Variants in CAST observed in about 807,000 individuals in gnomAD.
CAST encodes MIR583 host.
In CAST, 76 loss-of-function variants were observed where a neutral mutation model predicts 119.6. The observed-to-expected ratio is 0.64, with a 90% CI of 0.53 to 0.77. The LOEUF is 0.77. Ranked by LOEUF, CAST falls within the 30% of genes least tolerant of loss-of-function variation. CAST has a pLI of 0.00. For synonymous variants in CAST, 319 were observed against 331.6 expected, an observed-to-expected ratio of 0.96 and a Z score of 0.41; for missense variants, 953 against 946.5, an observed-to-expected ratio of 1.01 and a Z score of -0.09.
the CAST span, among the ~76,000 whole-genome samples, chr5:96,341,183 G>C: frequency 6.6e-6 from 1 of 152,260 alleles, no homozygotes; most frequent in Non-Finnish European, 1.5e-5. Flanking sequence ...ATTGCTCTTA[G>C]TAATGGAGAG....
the CAST span, among the ~76,000 whole-genome samples, chr5:96,437,226 A>AT: frequency 6.6e-6 from 1 of 152,248 alleles, no homozygotes; most frequent in Non-Finnish European, 1.5e-5. Flanking sequence ...TTTTTGCTGA[A>AT]TGAACTAGAT....
chr5:96,366,889 AG>A, the CAST span, among the ~76,000 whole-genome samples: 1 of 152,244 alleles, frequency 6.6e-6, no homozygotes, highest in African/African-American at 2.4e-5. Context: ...ATTCCTTTGG[AG>A]GGGGAGAGGC....
chr5:96,188,446 T>A, the CAST span, among the ~76,000 whole-genome samples: 1 of 152,160 alleles, frequency 6.6e-6, no homozygotes, highest in Admixed American at 6.5e-5. Flanking sequence ...ACTACTCAAC[T>A]TTTTTCCCAT....
At chr5:96,174,561 T>G in the CAST span, among the ~76,000 whole-genome samples, 1 of 152,208 alleles carries the variant, frequency 6.6e-6, no homozygotes, top group Admixed American at 6.5e-5. Flanking sequence ...CAGATTACAA[T>G]TTTAGTTTTA....
chr5:96,358,636 T>C, the CAST span, among the ~76,000 whole-genome samples: 1,507 of 152,270 alleles, frequency 9.9e-3, 32 homozygotes, highest in African/African-American at 0.035. Flanking sequence ...TGTAGTCGTG[T>C]GGTTTTGCTT....
At chr5:96,491,662 T>G in the CAST span, among the ~76,000 whole-genome samples, 1 of 152,126 alleles carries the variant, frequency 6.6e-6, no homozygotes, top group African/African-American at 2.4e-5. Context: ...ATTCCATCCC[T>G]AGATATATGC....
chr5:96,489,829 A>G, the CAST span, among the ~76,000 whole-genome samples: 1 of 152,214 alleles, frequency 6.6e-6, no homozygotes, highest in East Asian at 1.9e-4. Flanking sequence ...TCACATAGAT[A>G]CAGAGGCCAT....
chr5:96,657,894 C>G (rs979155451), upstream of CAST, among the ~76,000 whole-genome samples: 1 of 152,108 alleles, frequency 6.6e-6, no homozygotes, highest in Admixed American at 6.6e-5. Flanking sequence ...GTCAGGAGTT[C>G]GAGACCAGCC....
At chr5:96,479,505 G>A in the CAST span, among the ~76,000 whole-genome samples, 2 of 147,608 alleles carry the variant, frequency 1.4e-5, no homozygotes, top group East Asian at 2.0e-4. Flanking sequence ...TCTGGAGTGC[G>A]GTGGCTCAAT....
At chr5:96,415,000 T>G in the CAST span, among the ~76,000 whole-genome samples, 1 of 152,148 alleles carries the variant, frequency 6.6e-6, no homozygotes, top group Non-Finnish European at 1.5e-5. Flanking sequence ...TTTAATGGGG[T>G]TTTATTGTAA....
the CAST span, among the ~76,000 whole-genome samples, chr5:96,337,719 G>A: frequency 6.6e-6 from 1 of 152,300 alleles, no homozygotes; most frequent in Admixed American, 6.5e-5. Flanking sequence ...TTCAAAGCTG[G>A]ACTGCTGTGC....
chr5:96,542,659 G>C (rs148074640), intron 1 of CAST, among the ~76,000 whole-genome samples: 22 of 105,506 alleles, frequency 2.1e-4, no homozygotes, highest in African/African-American at 7.1e-4. Flanking sequence ...TTTTCTTATT[G>C]TTTAATTTTT....
the CAST span, among the ~76,000 whole-genome samples, chr5:96,374,316 GA>G: frequency 1.3e-5 from 2 of 152,180 alleles, no homozygotes; most frequent in Non-Finnish European, 2.9e-5. Flanking sequence ...CCACATAATA[GA>G]GGGTCATTTC....
At chr5:96,100,513 A>G in the CAST span, among the ~76,000 whole-genome samples, 3 of 152,198 alleles carry the variant, frequency 2.0e-5, no homozygotes, top group Admixed American at 1.3e-4. Context: ...CCTATAGCAC[A>G]TGGAGTGGAG....
intron 3 of CAST, among the ~76,000 whole-genome samples, chr5:96,704,967 C>T (rs1754638890): frequency 6.6e-6 from 1 of 152,216 alleles, no homozygotes; most frequent in Admixed American, 6.5e-5. Context: ...AAAGCACTTT[C>T]ATGCATTTAA....
chr5:96,239,284 A>G, the CAST span, among the ~76,000 whole-genome samples: 1 of 152,148 alleles, frequency 6.6e-6, no homozygotes, highest in African/African-American at 2.4e-5. Context: ...GTGCTATATA[A>G]TGATTGCTGT....
At position 96,740,690 on chromosome 5, in the gene CAST, G is replaced by T. The variant is rs57416384; in HGVS notation, c.880-55G>T. On this transcript the variant is annotated intron_variant, in intron 12 of 31. Coordinates refer to ENST00000675179, the MANE Select transcript of CAST (RefSeq NM_001750.7). ...CCCACAACGGGCAATACATTTTGCC[G>T]ATCTTAAGGATTAATTCTACCTTCT... 6,189 of 1,332,752 alleles carry T rather than the reference G, an allele frequency of 4.6e-3. 219 individuals are homozygous for T. In the African/African-American group the frequency reaches 0.077, roughly 17 times the overall value. The allele number at this position is 1,332,752 out of a possible 1,614,324, so 82.6% of individuals were successfully genotyped here. A position where few individuals can be genotyped will look rare whatever the true frequency, so the allele number is the denominator to read the frequency against.
At chr5:96,469,455 T>G in the CAST span, among the ~76,000 whole-genome samples, 1 of 152,014 alleles carries the variant, frequency 6.6e-6, no homozygotes, top group East Asian at 1.9e-4. Flanking sequence ...CCAACGTGAT[T>G]TTTTTTCCTA....
At chr5:96,366,459 G>GT in the CAST span, among the ~76,000 whole-genome samples, 2 of 152,112 alleles carry the variant, frequency 1.3e-5, no homozygotes, top group East Asian at 3.9e-4. Context: ...TCACTTTCAG[G>GT]TACACCAATG....
Sources: allele counts gnomAD v4.1 joint callset (sites outside exome capture counted in the v4.1 genomes callset), GRCh38; gene constraint gnomAD v4.1.1; transcripts MANE v1.5; gene names NCBI Gene and HGNC (gene_info 2026-07-23, HGNC 2026-07-21).